Variants in SPMIP7 observed in about 807,000 individuals in gnomAD.
SPMIP7 encodes the protein sperm microtubule inner protein 7.
At chr7:50,151,382 A>T in the SPMIP7 span, 3 of 1,248,474 alleles carry the variant, frequency 2.4e-6, no homozygotes, top group Non-Finnish European at 3.4e-6. Context: ...GGTGCTAGTT[A>T]CCATGACAAT....
the SPMIP7 span, among the ~76,000 whole-genome samples, chr7:50,130,538 A>T: frequency 1.3e-5 from 2 of 152,154 alleles, no homozygotes; most frequent in African/African-American, 2.4e-5. Context: ...TTGGGTGGGG[A>T]CACAGCCAAA....
the SPMIP7 span, among the ~76,000 whole-genome samples, chr7:50,153,315 G>T: frequency 1.3e-5 from 2 of 152,112 alleles, no homozygotes; most frequent in Non-Finnish European, 2.9e-5. Flanking sequence ...TTTCAGAAAG[G>T]CAATGGCTAT....
chr7:50,114,710 A>G, the SPMIP7 span, among the ~76,000 whole-genome samples: 2 of 152,186 alleles, frequency 1.3e-5, no homozygotes, highest in African/African-American at 4.8e-5. Context: ...ATGAACTTAA[A>G]AGTCACAAAT....
At chr7:50,123,423 G>C in the SPMIP7 span, among the ~76,000 whole-genome samples, 1 of 117,112 alleles carries the variant, frequency 8.5e-6, no homozygotes, top group Non-Finnish European at 1.8e-5. Flanking sequence ...GTTGTGGGGT[G>C]GGGGAAGGGG....
At chr7:50,123,681 G>A in the SPMIP7 span, among the ~76,000 whole-genome samples, 2 of 152,132 alleles carry the variant, frequency 1.3e-5, no homozygotes, top group South Asian at 2.1e-4. Context: ...CATGCACATT[G>A]TTTCTTCTAG....
chr7:50,114,447 C>T, the SPMIP7 span, among the ~76,000 whole-genome samples: 3 of 151,748 alleles, frequency 2.0e-5, no homozygotes, highest in East Asian at 5.8e-4. Context: ...CCTGTAAACC[C>T]TGGAGTTAAA....
At chr7:50,150,651 A>G in the SPMIP7 span, among the ~76,000 whole-genome samples, 1 of 152,226 alleles carries the variant, frequency 6.6e-6, no homozygotes, top group African/African-American at 2.4e-5. Context: ...TAATCTGTGT[A>G]AACCAACTTG....
the SPMIP7 span, among the ~76,000 whole-genome samples, chr7:50,108,836 G>A: frequency 6.6e-6 from 1 of 152,170 alleles, no homozygotes; most frequent in African/African-American, 2.4e-5. Context: ...TGACCATAAT[G>A]TAGTTATTTC....
chr7:50,153,820 AG>A, the SPMIP7 span, among the ~76,000 whole-genome samples: 5 of 152,022 alleles, frequency 3.3e-5, no homozygotes, highest in East Asian at 7.7e-4. Context: ...AAGGCACCCT[AG>A]GGGGTGGCTC....
the SPMIP7 span, among the ~76,000 whole-genome samples, chr7:50,139,364 GA>G: frequency 5.1e-3 from 745 of 146,244 alleles, 6 homozygotes; most frequent in African/African-American, 0.017. Flanking sequence ...AAAAAAAAAA[GA>G]AAAAAAAAGA....
chr7:50,097,341 G>A, the SPMIP7 span, among the ~76,000 whole-genome samples: 1 of 152,164 alleles, frequency 6.6e-6, no homozygotes, highest in African/African-American at 2.4e-5. Context: ...AATGCTATAG[G>A]AAGAATACTT....
At chr7:50,148,275 C>G in the SPMIP7 span, among the ~76,000 whole-genome samples, 2 of 151,810 alleles carry the variant, frequency 1.3e-5, no homozygotes, top group Non-Finnish European at 2.9e-5. Flanking sequence ...GTCTAATCTT[C>G]CATGAAATGT....
the SPMIP7 span, among the ~76,000 whole-genome samples, chr7:50,139,109 G>A: frequency 6.6e-6 from 1 of 152,008 alleles, no homozygotes; most frequent in Non-Finnish European, 1.5e-5. Context: ...CCAGCATTTT[G>A]GGAGGCCGAG....
At chr7:50,111,007 CTT>C in the SPMIP7 span, among the ~76,000 whole-genome samples, 2 of 139,742 alleles carry the variant, frequency 1.4e-5, no homozygotes, top group Non-Finnish European at 3.0e-5. Flanking sequence ...TATGTAATAT[CTT>C]TATTATATAT....
chr7:50,125,137 C>CATATACACACATATATAT, the SPMIP7 span, among the ~76,000 whole-genome samples: 10 of 38,906 alleles, frequency 2.6e-4, 2 homozygotes, highest in Non-Finnish European at 3.3e-4. Context: ...CACACACACA[C>CATATACACACATATATAT]ACACATATAC....
chr7:50,096,212 T>G, the SPMIP7 span: 1 of 1,551,798 alleles, frequency 6.4e-7, no homozygotes, highest in East Asian at 2.4e-5. Flanking sequence ...GAACATGCCT[T>G]TTGTGAAAGG....
the SPMIP7 span, among the ~76,000 whole-genome samples, chr7:50,108,721 A>G: frequency 6.6e-6 from 1 of 152,326 alleles, no homozygotes; most frequent in Non-Finnish European, 1.5e-5. Context: ...AGAAATTACT[A>G]TATTAGTTTC....
chr7:50,133,472 T>A, the SPMIP7 span, among the ~76,000 whole-genome samples: 1 of 152,162 alleles, frequency 6.6e-6, no homozygotes, highest in Non-Finnish European at 1.5e-5. Context: ...ATTAATGGTA[T>A]CCTCTGAAGG....
the SPMIP7 span, among the ~76,000 whole-genome samples, chr7:50,136,826 C>T: frequency 4.6e-5 from 7 of 152,140 alleles, no homozygotes; most frequent in Admixed American, 2.0e-4. Flanking sequence ...ACACAACCCA[C>T]AACACAGGTT....
Sources: gnomAD v4.1 joint callset for allele counts (sites outside exome capture counted in the v4.1 genomes callset) on GRCh38, gnomAD v4.1.1 for gene constraint, MANE v1.5 for transcripts, NCBI Gene and HGNC (gene_info 2026-07-23, HGNC 2026-07-21) for gene names.